Variants in INTS14 observed in about 807,000 individuals in gnomAD.
INTS14 encodes integrator complex subunit 14.
A neutral mutation model predicts 56.9 loss-of-function variants in INTS14; 27 were observed. The observed-to-expected ratio is 0.47, with a 90% CI of 0.35 to 0.65. INTS14 has a LOEUF of 0.65. Ranked by LOEUF, INTS14 falls within the 30% of genes least tolerant of loss-of-function variation. INTS14 has a pLI of 0.00. For synonymous variants in INTS14, 207 were observed against 236.2 expected, an observed-to-expected ratio of 0.88 and a Z score of 1.13; for missense variants, 517 against 632.2, an observed-to-expected ratio of 0.82 and a Z score of 1.95.
At position 65,579,162 on chromosome 15, in the gene INTS14, C is replaced by G. The variant is rs926145174; in HGVS notation, c.*246G>C. 1 of 466,892 alleles carries G rather than the reference C, an allele frequency of 2.1e-6. No homozygotes were observed. Among genetic ancestry groups the G allele is most frequent in the Admixed American group, 3.8e-5 (1 of 26,400 alleles). The allele number at this position is 466,892 out of a possible 1,614,324, so 28.9% of individuals were successfully genotyped here. On this transcript the variant is annotated 3_prime_UTR_variant, in exon 12 of 12. Coordinates refer to ENST00000313182, the MANE Select transcript of INTS14 (RefSeq NM_001394796.1). ...CAAGCTTCTCAGGAAATGTGCCCAT[C>G]ATGGGAACAGCAGCTATCTTCCAAG...
chr15:65,596,884 A>C (rs2073233295), intron 6 of INTS14, among the ~76,000 whole-genome samples: 1 of 152,190 alleles, frequency 6.6e-6, no homozygotes, highest in Non-Finnish European at 1.5e-5. Flanking sequence ...AATATTAGGA[A>C]GTGTGCTTCT....
At chr15:65,596,758 C>T (rs368057507) in intron 6 of INTS14, among the ~76,000 whole-genome samples, 42 of 152,088 alleles carry the variant, frequency 2.8e-4, no homozygotes, top group African/African-American at 9.9e-4. Context: ...TTAGTAGAAA[C>T]GGGGTTTCTC....
intron 3 of INTS14, among the ~76,000 whole-genome samples, chr15:65,602,230 C>G (rs1349484773): frequency 1.3e-5 from 2 of 151,504 alleles, no homozygotes; most frequent in Admixed American, 1.3e-4. Flanking sequence ...CAGAGCAAGA[C>G]TCTGTTTCAA....
Position 65,594,556 on chromosome 15 carries a change from G to GTT in INTS14, c.842-986_842-985dup, listed in dbSNP as rs777652735. ...TACAGGCGCCTGCCACTACGCCCAG[G>GTT]TTTTTTTTTTTTTTTTTTTGTATTT... On this transcript the variant is annotated intron_variant, in intron 7 of 11. Transcript: ENST00000313182. 6.2e-3 allele frequency among the ~76,000 whole-genome samples: 782 copies of GTT among 126,836 alleles called. 16 individuals carry two copies. Among genetic ancestry groups the GTT allele is most frequent in the African/African-American group, 0.022 (714 of 32,328 alleles). The allele number at this position is 126,836 out of a possible 152,430, so 83.2% of individuals were successfully genotyped here. A position where few individuals can be genotyped will look rare whatever the true frequency, so the allele number is the denominator to read the frequency against.
chr15:65,592,928 C>G (rs971732306), intron 8 of INTS14, among the ~76,000 whole-genome samples: 1 of 151,918 alleles, frequency 6.6e-6, no homozygotes, highest in Admixed American at 6.6e-5. Context: ...TCACTCCACA[C>G]TTATTCTAGG....
chr15:65,579,928 GGTA>G (rs765752605), intron 11 of INTS14, among the ~76,000 whole-genome samples: 18 of 152,150 alleles, frequency 1.2e-4, no homozygotes, highest in Admixed American at 2.0e-4. Context: ...TGCCACATGT[GGTA>G]GTCAGCACTT....
At chr15:65,602,415 G>C (rs1310060464) in intron 3 of INTS14, among the ~76,000 whole-genome samples, 1 of 151,554 alleles carries the variant, frequency 6.6e-6, no homozygotes, top group Non-Finnish European at 1.5e-5. Flanking sequence ...CTCCCAGGTA[G>C]CTAGGATTAC....
At chr15:65,579,704 T>C (rs767597609) in intron 11 of INTS14, 45 bp from the exon 12 acceptor site, 137 of 1,585,334 alleles carry the variant, frequency 8.6e-5, no homozygotes, top group Admixed American at 1.2e-4. Context: ...AATGTGTTCC[T>C]AACACATACT....
intron 3 of INTS14, among the ~76,000 whole-genome samples, chr15:65,604,123 G>C (rs1013167931): frequency 6.6e-6 from 1 of 152,116 alleles, no homozygotes; most frequent in African/African-American, 2.4e-5. Flanking sequence ...TCGCTCTGTC[G>C]CTAGGCTGGA....
intron 10 of INTS14, among the ~76,000 whole-genome samples, chr15:65,583,723 G>A (rs918043448): frequency 2.7e-4 from 41 of 152,158 alleles, no homozygotes; most frequent in African/African-American, 9.4e-4. Context: ...AGATAGTAGT[G>A]AAGATTCAAA....
intron 9 of INTS14, among the ~76,000 whole-genome samples, chr15:65,590,068 C>G (rs1399986609): frequency 6.6e-6 from 1 of 152,206 alleles, no homozygotes; most frequent in Non-Finnish European, 1.5e-5. Context: ...TAACACTTCT[C>G]TCTCCATAAT....
At chr15:65,604,163 A>G (rs577364838) in intron 3 of INTS14, among the ~76,000 whole-genome samples, 1 of 152,204 alleles carries the variant, frequency 6.6e-6, no homozygotes, top group African/African-American at 2.4e-5. Flanking sequence ...GCTGACTGCA[A>G]CCTCTGCCTC....
intron 7 of INTS14, among the ~76,000 whole-genome samples, chr15:65,595,530 G>A (rs1462005376): frequency 1.3e-5 from 2 of 152,178 alleles, no homozygotes; most frequent in African/African-American, 4.8e-5. Flanking sequence ...CCAACACACA[G>A]TAAATATGTG....
Position 65,598,348 on chromosome 15 carries a change from C to G in INTS14, c.721G>C (p.Asp241His). ...PEPFVVDEEI[D>H]PIPKVINTDL... Reference sequence around the variant, plus strand: ...GTGTTAATGACTTTAGGGATAGGATCAATTTCTTCATCTACAACAAAAGGT... The same window carrying G: ...GTGTTAATGACTTTAGGGATAGGATGAATTTCTTCATCTACAACAAAAGGT... Residue 241 changes from aspartate to histidine, a missense_variant, in exon 6 of 12, where the codon GAT becomes CAT. Physicochemically the swap from Asp to His is moderately conservative, Grantham distance 81 (BLOSUM62 -1). Transcript: ENST00000313182. 6.2e-7 allele frequency: 1 copy of G among 1,613,856 alleles called. No homozygotes were observed. The highest frequency in any genetic ancestry group is 8.5e-7 in the Non-Finnish European group (1 of 1,179,896).
In INTS14 at chr15:65,579,758, T is replaced by G. The variant is rs566841298; in HGVS notation, c.1306-99A>C. On this transcript the variant is annotated intron_variant, in intron 11 of 11. Coordinates refer to ENST00000313182, the MANE Select transcript of INTS14 (RefSeq NM_001394796.1). ...GCATAAGTTCTCCTTGACTGAACTT[T>G]AGGGAGCAATTTTATATGAGAACAA... 1.7e-4 allele frequency: 241 copies of G among 1,459,370 alleles called. No individual in the cohort carries two copies. The African/African-American group carries it at 3.2e-3, about 19-fold the overall frequency. The allele number at this position is 1,459,370 out of a possible 1,614,324, so 90.4% of individuals were successfully genotyped here.
At position 65,599,775 on chromosome 15, in the gene INTS14, T is replaced by G. The variant is rs1490148112; in HGVS notation, c.485A>C (p.Glu162Ala). 6.2e-7 allele frequency: 1 copy of G among 1,613,320 alleles called. No homozygotes were observed. The highest frequency in any genetic ancestry group is 8.5e-7 in the Non-Finnish European group (1 of 1,179,668). Residue 162 changes from glutamate (E) to alanine (A), a missense_variant and splice_region_variant, in exon 4 of 12, where the codon GAG becomes GCG. Physicochemically the swap from Glu to Ala is moderately radical, Grantham distance 107 (BLOSUM62 -1). Transcript: ENST00000313182. The part of the protein sequence containing the change: ...LYIMCMANLE[E>A]LQSTDSLECL... ...TAAAAACTTAGCAAAAGGTATTACC[T>G]CCTCCAAATTCGCCATGCACATGAT...
rs772842120 is a variant in INTS14 at position 65,579,394 on chromosome 15, T to G, written c.*14A>C. On this transcript the variant is annotated 3_prime_UTR_variant, in exon 12 of 12. Transcript: ENST00000313182. ...GTTGAAATGAAAAAAGAAGGAAAGC[T>G]CCAAAAGTCAGTTTCAAATTCTTTC... The G allele has an allele frequency of 1.9e-6, 3 of 1,602,110 alleles. No homozygotes were observed. The Admixed American group carries it at 5.0e-5, about 27-fold the overall frequency.
intron 10 of INTS14, 27 bp from the exon 11 acceptor site, chr15:65,582,046 A>C: frequency 6.4e-7 from 1 of 1,561,022 alleles, no homozygotes; most frequent in Non-Finnish European, 8.7e-7. Context: ...AAAAAATCCA[A>C]CATTAGAATT....
At chr15:65,583,716 T>A (rs1361292738) in intron 10 of INTS14, among the ~76,000 whole-genome samples, 1 of 151,986 alleles carries the variant, frequency 6.6e-6, no homozygotes, top group African/African-American at 2.4e-5. Flanking sequence ...AAACCCAAGA[T>A]AGTAGTGAAG....
Sources: gnomAD v4.1 joint callset for allele counts (sites outside exome capture counted in the v4.1 genomes callset) on GRCh38, gnomAD v4.1.1 for gene constraint, MANE v1.5 for transcripts, NCBI Gene and HGNC (gene_info 2026-07-23, HGNC 2026-07-21) for gene names.